Variants in TCERG1L observed in about 807,000 individuals in gnomAD.
TCERG1L encodes transcription elongation regulator 1-like protein.
Under a neutral mutation model 56.3 loss-of-function variants are expected in TCERG1L, and 37 were observed. That is an observed-to-expected ratio of 0.66 (90% confidence interval 0.51 to 0.87). The LOEUF (loss-of-function observed/expected upper bound fraction) is 0.87. Ranked by LOEUF, TCERG1L falls within the 40% of genes least tolerant of loss-of-function variation. The pLI, the probability that TCERG1L is intolerant of heterozygous loss-of-function variation, is 0.00. For synonymous variants in TCERG1L, 324 were observed against 326.3 expected (o/e 0.99, Z 0.08); for missense variants, 799 against 774.2 (o/e 1.03, Z -0.38).
intron 4 of TCERG1L, among the ~76,000 whole-genome samples, chr10:131,210,858 C>T (rs2133487776): frequency 6.6e-6 from 1 of 152,276 alleles, no homozygotes; most frequent in African/African-American, 2.4e-5. Context: ...ACACAGTTCC[C>T]CATGTAAAAT....
At chr10:131,284,227 C>T (rs1470652091) in intron 3 of TCERG1L, among the ~76,000 whole-genome samples, 1 of 151,336 alleles carries the variant, frequency 6.6e-6, no homozygotes, top group Non-Finnish European at 1.5e-5. Flanking sequence ...CCACAGTTTA[C>T]TTCAGTTACA....
intron 3 of TCERG1L, among the ~76,000 whole-genome samples, chr10:131,277,052 C>T (rs1317686155): frequency 6.6e-6 from 1 of 152,220 alleles, no homozygotes; most frequent in African/African-American, 2.4e-5. Context: ...CCTTGCAGAA[C>T]TGCTATCCTA....
chr10:131,177,869 G>C (rs11591783), intron 4 of TCERG1L, among the ~76,000 whole-genome samples: 1 of 149,656 alleles, frequency 6.7e-6, no homozygotes, highest in South Asian at 2.2e-4. Context: ...GCTTCTTCCC[G>C]TCTCGATCTC....
At chr10:131,294,685 T>A (rs185342883) in intron 3 of TCERG1L, among the ~76,000 whole-genome samples, 1 of 152,316 alleles carries the variant, frequency 6.6e-6, no homozygotes, top group African/African-American at 2.4e-5. Context: ...AACATGAGCA[T>A]AGAACTCATC....
intron 8 of TCERG1L, among the ~76,000 whole-genome samples, chr10:131,133,347 G>A (rs1002543489): frequency 8.5e-5 from 13 of 152,190 alleles, no homozygotes; most frequent in Admixed American, 7.2e-4. Flanking sequence ...TTTTTTAAAA[G>A]AGAAAACGCA....
At chr10:131,274,342 C>A (rs2133556185) in intron 3 of TCERG1L, among the ~76,000 whole-genome samples, 1 of 152,328 alleles carries the variant, frequency 6.6e-6, no homozygotes, top group Non-Finnish European at 1.5e-5. Flanking sequence ...GCAGCCAGGG[C>A]CAACGCCATT....
chr10:131,171,648 T>C (rs1846093744), intron 4 of TCERG1L, among the ~76,000 whole-genome samples: 1 of 152,148 alleles, frequency 6.6e-6, no homozygotes, highest in South Asian at 2.1e-4. Flanking sequence ...ACTGCAACCT[T>C]CAAGTGATTC....
At chr10:131,280,729 C>G (rs146260919) in intron 3 of TCERG1L, among the ~76,000 whole-genome samples, 1 of 151,870 alleles carries the variant, frequency 6.6e-6, no homozygotes, top group Admixed American at 6.5e-5. Flanking sequence ...ACACAGACAC[C>G]TGTTCTCTGT....
intron 11 of TCERG1L, among the ~76,000 whole-genome samples, chr10:131,097,995 T>G (rs1050980048): frequency 2.6e-5 from 4 of 152,320 alleles, no homozygotes; most frequent in African/African-American, 9.6e-5. Context: ...ACGTATTGAT[T>G]GGTTATTTGG....
At chr10:131,307,051 T>G (rs895922620) in intron 3 of TCERG1L, among the ~76,000 whole-genome samples, 3 of 152,202 alleles carry the variant, frequency 2.0e-5, no homozygotes, top group African/African-American at 7.2e-5. Flanking sequence ...ATAATACCTT[T>G]TCATATACCA....
At chr10:131,162,917 G>C in intron 6 of TCERG1L, 1 of 508,454 alleles carries the variant, frequency 2.0e-6, no homozygotes, top group African/African-American at 1.9e-5. Flanking sequence ...GATCAGAGCA[G>C]GATAGCTCAT....
Position 131,260,520 on chromosome 10 carries a change from C to G in TCERG1L, c.671-76G>C. 1 of 1,312,632 alleles carries G rather than the reference C, an allele frequency of 7.6e-7. No individual in the cohort carries two copies. The highest frequency in any genetic ancestry group is 9.7e-7 in the Non-Finnish European group (1 of 1,029,188). The allele number at this position is 1,312,632 out of a possible 1,614,324, so 81.3% of individuals were successfully genotyped here. On this transcript the variant is annotated intron_variant, in intron 3 of 11. Coordinates refer to ENST00000368642, the MANE Select transcript of TCERG1L (RefSeq NM_174937.4). The surrounding 1 kb of genome is among the most constrained non-coding windows in gnomAD (Gnocchi z 5.8). ...GTGACAGATGCCCATCTCGCTACCG[C>G]AAGATATCAGCCCCCAGAAAACAGG... is the stretch of plus-strand genomic sequence containing the variant.
intron 7 of TCERG1L, among the ~76,000 whole-genome samples, chr10:131,137,760 T>C (rs940978002): frequency 3.3e-5 from 5 of 152,240 alleles, no homozygotes; most frequent in Non-Finnish European, 5.9e-5. Flanking sequence ...AAAGCTTTCC[T>C]AATTATGATC....
chr10:131,263,035 TATCAGGATGTGTC>T (rs746967996), intron 3 of TCERG1L, among the ~76,000 whole-genome samples: 2 of 152,092 alleles, frequency 1.3e-5, no homozygotes, highest in Non-Finnish European at 2.9e-5. Flanking sequence ...GATACTCCAT[TATCAGGATGTGTC>T]ACAGTTTAGA....
rs191443282 is a variant in TCERG1L, at chr10:131,279,984, C to T, written c.671-19540G>A. On this transcript the variant is annotated intron_variant, in intron 3 of 11. Transcript: ENST00000368642. ...CCAGCAGAGCCAGCCTACACCCTTT[C>T]GTGAGCCCCGAAAATCAGAGAGAGG... 3.9e-5 allele frequency among the ~76,000 whole-genome samples: 6 copies of T among 152,244 alleles called. No homozygotes were observed. In the East Asian group the frequency reaches 7.7e-4, roughly 20 times the overall value.
chr10:131,132,982 C>A (rs900266062), intron 8 of TCERG1L, among the ~76,000 whole-genome samples: 2 of 151,738 alleles, frequency 1.3e-5, no homozygotes, highest in Non-Finnish European at 2.9e-5. Context: ...CCTTTACCTC[C>A]TACCTGATCA....
intron 3 of TCERG1L, among the ~76,000 whole-genome samples, chr10:131,274,071 C>T (rs1009102529): frequency 2.0e-5 from 3 of 152,114 alleles, no homozygotes; most frequent in Non-Finnish European, 2.9e-5. Context: ...CCACCGCCGT[C>T]GAATGTCTGC....
At chr10:131,174,342 G>A (rs761747032) in intron 4 of TCERG1L, among the ~76,000 whole-genome samples, 1 of 152,208 alleles carries the variant, frequency 6.6e-6, no homozygotes, top group Non-Finnish European at 1.5e-5. Flanking sequence ...CAGTGGGGCC[G>A]TTTCCCTGGG....
At chr10:131,167,391 T>G (rs1230067664) in intron 4 of TCERG1L, among the ~76,000 whole-genome samples, 1 of 152,144 alleles carries the variant, frequency 6.6e-6, no homozygotes, top group African/African-American at 2.4e-5. Flanking sequence ...TCTCGCATTG[T>G]GGGGCCCCCA....
Sources: allele counts gnomAD v4.1 joint callset (sites outside exome capture counted in the v4.1 genomes callset), GRCh38; gene constraint gnomAD v4.1.1; non-coding constraint Gnocchi (gnomAD v3.1); transcripts MANE v1.5; gene names NCBI Gene and HGNC (gene_info 2026-07-23, HGNC 2026-07-21).